CUX1: variants seen among roughly 807,000 people sequenced by gnomAD.
The protein encoded by CUX1 is cut like homeobox 1.
In CUX1, 31 loss-of-function variants were observed where a neutral mutation model predicts 158.8. That is an observed-to-expected ratio of 0.20 (90% CI 0.15 to 0.26). The LOEUF (loss-of-function observed/expected upper bound fraction) is 0.26. Among genes scored for constraint, CUX1 ranks in the 10% least tolerant of loss-of-function variants. The probability of loss-of-function intolerance (pLI) is 1.00; values close to 1 mark genes in which losing one functional copy is unlikely to be tolerated. For missense variants in CUX1, 1,589 were observed against 2,014.6 expected, an observed-to-expected ratio of 0.79 and a Z score of 4.04; for synonymous variants, 879 against 862.1, an observed-to-expected ratio of 1.02 and a Z score of -0.34.
At position 101,904,176 on chromosome 7, in the gene CUX1, C is replaced by T. The variant is rs143424253; in HGVS notation, c.31-11939C>T. On this transcript the variant is annotated intron_variant, in intron 1 of 23. Transcript: ENST00000292535. ...TTAGCTGGACATGGTGGCACGCGCC[C>T]GTAATCCCAGCTACTCAGATGGCTG... Among the ~76,000 whole-genome samples, 775 of 151,888 alleles carry T rather than the reference C, an allele frequency of 5.1e-3. 12 individuals carry two copies. Among genetic ancestry groups the T allele is most frequent in the African/African-American group, 0.018 (727 of 41,340 alleles).
chr7:101,864,609 G>T (rs571457795), intron 1 of CUX1, among the ~76,000 whole-genome samples: 19 of 152,104 alleles, frequency 1.2e-4, no homozygotes, highest in African/African-American at 4.6e-4. Context: ...GGGGTGCAGG[G>T]GTGCTATCTT....
intron 22 of CUX1, among the ~76,000 whole-genome samples, chr7:102,238,110 G>T (rs1359730002): frequency 1.3e-5 from 2 of 152,154 alleles, no homozygotes; most frequent in African/African-American, 4.8e-5. Flanking sequence ...AGATGGTTAG[G>T]CCTCCAGATA....
chr7:102,216,634 CACACACG>C (rs1797171023), intron 20 of CUX1, among the ~76,000 whole-genome samples: 1 of 116,462 alleles, frequency 8.6e-6, no homozygotes, highest in Non-Finnish European at 1.8e-5. Flanking sequence ...CACACACCCC[CACACACG>C]CACACACACA....
intron 2 of CUX1, among the ~76,000 whole-genome samples, chr7:101,987,409 T>C (rs1814464716): frequency 6.6e-6 from 1 of 152,124 alleles, no homozygotes; most frequent in South Asian, 2.1e-4. Flanking sequence ...TTCTCATAGG[T>C]TCAAGCGGAA....
intron 1 of CUX1, among the ~76,000 whole-genome samples, chr7:101,906,436 CCGAGGGGAAA>C (rs1802765065): frequency 6.6e-6 from 1 of 151,572 alleles, no homozygotes; most frequent in African/African-American, 2.4e-5. Context: ...GTGGCGAGGT[CCGAGGGGAAA>C]GGAGGGGACC....
intron 3 of CUX1, among the ~76,000 whole-genome samples, chr7:102,029,507 A>G (rs1820457203): frequency 6.6e-6 from 1 of 152,080 alleles, no homozygotes; most frequent in Non-Finnish European, 1.5e-5. Flanking sequence ...AAATTCATCA[A>G]CTGGGAGCGA....
chr7:101,870,723 TG>T (rs1441020800), intron 1 of CUX1, among the ~76,000 whole-genome samples: 3 of 152,136 alleles, frequency 2.0e-5, no homozygotes, highest in African/African-American at 4.8e-5. Context: ...CAACCTTAAG[TG>T]GTAGAGCTGG....
At chr7:102,212,025 G>A (rs115618856) in intron 20 of CUX1, among the ~76,000 whole-genome samples, 2,434 of 152,232 alleles carry the variant, frequency 0.016, 60 homozygotes, top group African/African-American at 0.055. Flanking sequence ...GGACCTTGCC[G>A]GAAAGCCCCT....
At chr7:102,017,437 A>G (rs927208736) in intron 2 of CUX1, among the ~76,000 whole-genome samples, 5 of 150,630 alleles carry the variant, frequency 3.3e-5, no homozygotes, top group Non-Finnish European at 5.9e-5. Context: ...CATCTCCTCA[A>G]ATGTCTCCTA....
At chr7:102,198,014 G>T (rs965319380) in intron 15 of CUX1, among the ~76,000 whole-genome samples, 1 of 152,204 alleles carries the variant, frequency 6.6e-6, no homozygotes, top group Non-Finnish European at 1.5e-5. Flanking sequence ...AGCAGTTTGG[G>T]AGGCTGAGGT....
chr7:102,220,688 C>T (rs1393081605), intron 20 of CUX1, among the ~76,000 whole-genome samples: 9 of 152,214 alleles, frequency 5.9e-5, no homozygotes, highest in African/African-American at 1.9e-4. Flanking sequence ...GCCGTGCATC[C>T]TTGTATCTTG....
intron 23 of CUX1, among the ~76,000 whole-genome samples, chr7:102,243,647 T>TAATAATAATAATA (rs1554535749): frequency 6.9e-6 from 1 of 143,958 alleles, no homozygotes; most frequent in Non-Finnish European, 1.5e-5. Context: ...ATAATAATAA[T>TAATAATAATAATA]AATAATAATA....
chr7:101,846,404 G>A (rs2410919), intron 1 of CUX1, among the ~76,000 whole-genome samples: 48,807 of 151,380 alleles, frequency 0.32, 8,415 homozygotes, highest in Middle Eastern at 0.43. Context: ...CTGCAGCCTC[G>A]ACCTCCTGGG....
chr7:101,880,280 C>T lies in CUX1; in HGVS notation c.31-35835C>T, dbSNP rs115947861. Among the ~76,000 whole-genome samples, 340 of 152,264 alleles carry T rather than the reference C, an allele frequency of 2.2e-3. 2 individuals carry two copies. The highest frequency in any genetic ancestry group is 7.9e-3 in the African/African-American group (327 of 41,560). On this transcript the variant is annotated intron_variant, in intron 1 of 23. Transcript: ENST00000292535. ...TGCTCGTTCACTGTGGATTAAAGCT[C>T]GTTGGCAATTTCGGAAGTTCACGTT...
At chr7:101,848,912 A>AT (rs11364752) in intron 1 of CUX1, among the ~76,000 whole-genome samples, 14 of 146,536 alleles carry the variant, frequency 9.6e-5, no homozygotes, top group South Asian at 2.2e-4. Flanking sequence ...TTGCAAGGCA[A>AT]TTTTTTTTTT....
chr7:102,096,249 C>T (rs1829168132), intron 4 of CUX1, among the ~76,000 whole-genome samples: 1 of 152,254 alleles, frequency 6.6e-6, no homozygotes, highest in African/African-American at 2.4e-5. Flanking sequence ...GCAGGGGTCT[C>T]CAGCCTTGGG....
chr7:102,187,972 G>C (rs914378789), intron 11 of CUX1, among the ~76,000 whole-genome samples: 1 of 152,040 alleles, frequency 6.6e-6, no homozygotes, highest in African/African-American at 2.4e-5. Context: ...ACTTTGGGAG[G>C]CTGAAGTGGG....
At chr7:102,193,912 T>C (rs202206832) in intron 13 of CUX1, 22 bp downstream of exon 13, 563 of 1,613,122 alleles carry the variant, frequency 3.5e-4, no homozygotes, top group Non-Finnish European at 4.5e-4. Flanking sequence ...ACCTCAATGG[T>C]CAGCACTAGC....
chr7:102,178,870 C>G (rs947765414), intron 11 of CUX1, among the ~76,000 whole-genome samples: 1 of 152,098 alleles, frequency 6.6e-6, no homozygotes, highest in Non-Finnish European at 1.5e-5. Context: ...CAGCATTTCC[C>G]TCTTTTTTTT....
Sources: gnomAD v4.1 joint callset for allele counts (sites outside exome capture counted in the v4.1 genomes callset) on GRCh38, gnomAD v4.1.1 for gene constraint, MANE v1.5 for transcripts, NCBI Gene and HGNC (gene_info 2026-07-23, HGNC 2026-07-21) for gene names.